The following RBM38 variants were observed in gnomAD, a reference collection of about 807,000 sequenced individuals.
RBM38 encodes RNA-binding protein 38.
A neutral mutation model predicts 23.5 loss-of-function variants in RBM38; 11 were observed. That is an observed-to-expected ratio of 0.47 (90% CI 0.29 to 0.77). The LOEUF (loss-of-function observed/expected upper bound fraction) is 0.77, where lower values mean the gene tolerates loss of function less well. RBM38 is among the 30% of genes least tolerant of loss of function. The pLI, the probability that RBM38 is intolerant of heterozygous loss-of-function variation, is 0.08. For missense variants in RBM38, 330 were observed against 351.9 expected, an observed-to-expected ratio of 0.94 and a Z score of 0.50; for synonymous variants, 165 against 166.1, an observed-to-expected ratio of 0.99 and a Z score of 0.05.
intron 3 of RBM38, among the ~76,000 whole-genome samples, chr20:57,406,711 G>A (rs2067388053): frequency 6.6e-6 from 1 of 152,166 alleles, no homozygotes; most frequent in African/African-American, 2.4e-5. Flanking sequence ...AACCCTGTGA[G>A]GGCTGGGCAC....
intron 3 of RBM38, among the ~76,000 whole-genome samples, chr20:57,395,834 G>T (rs1386038060): frequency 6.6e-6 from 1 of 152,210 alleles, no homozygotes; most frequent in Non-Finnish European, 1.5e-5. Flanking sequence ...TCAGGCCCCG[G>T]GAGCACAGCC....
chr20:57,399,953 G>T, intron 3 of RBM38: 1 of 456,354 alleles, frequency 2.2e-6, no homozygotes, highest in Non-Finnish European at 4.4e-6. Flanking sequence ...CAGAAAATGA[G>T]TCCTCCTGGG....
intron 2 of RBM38, 168 bp downstream of exon 2, chr20:57,392,945 C>T (rs2067236392): frequency 4.3e-6 from 4 of 925,768 alleles, no homozygotes; most frequent in Non-Finnish European, 6.4e-6. Context: ...GATCTAGACC[C>T]CTTCTCACAG....
intron 3 of RBM38, chr20:57,399,829 C>T (rs975683464): frequency 4.4e-6 from 2 of 454,800 alleles, no homozygotes; most frequent in Non-Finnish European, 8.8e-6. Flanking sequence ...GAGTCAGAAC[C>T]CTAAGAGCTG....
chr20:57,397,025 C>T (rs983290666), intron 3 of RBM38, among the ~76,000 whole-genome samples: 3 of 152,226 alleles, frequency 2.0e-5, no homozygotes, highest in Admixed American at 6.5e-5. Flanking sequence ...ACAGGCTCCT[C>T]GGACTCCGGA....
chr20:57,402,417 A>T (rs796449827), intron 3 of RBM38, among the ~76,000 whole-genome samples: 2 of 152,322 alleles, frequency 1.3e-5, no homozygotes, highest in East Asian at 3.9e-4. Context: ...GTGTGGGCAT[A>T]GGCTGCAGTG....
At chr20:57,392,364 C>A in intron 1 of RBM38, 1 of 1,449,844 alleles carries the variant, frequency 6.9e-7, no homozygotes, top group Non-Finnish European at 9.2e-7. Flanking sequence ...CCCCAAGCTC[C>A]CTTCGGGGTT....
chr20:57,399,070 G>C (rs951639143), intron 3 of RBM38, among the ~76,000 whole-genome samples: 2 of 152,190 alleles, frequency 1.3e-5, no homozygotes, highest in Admixed American at 1.3e-4. Context: ...TTTCTGCAGC[G>C]AGGTGCTGAG....
chr20:57,400,042 C>T, intron 3 of RBM38: 1 of 453,604 alleles, frequency 2.2e-6, no homozygotes, highest in South Asian at 1.6e-5. Context: ...GTACTTCTCT[C>T]TCCCGCCCAC....
chr20:57,403,489 A>C (rs1460635495), intron 3 of RBM38, among the ~76,000 whole-genome samples: 1 of 152,146 alleles, frequency 6.6e-6, no homozygotes, highest in African/African-American at 2.4e-5. Context: ...GGCCCCAGCC[A>C]GTCCTTGCAG....
rs763049390 is a variant in RBM38, at chr20:57,392,722, C to A, written c.306C>A (p.Arg102=). The A allele has an allele frequency of 1.8e-5, 29 of 1,612,882 alleles. No homozygotes were observed. In the Admixed American group the frequency reaches 1.8e-4, roughly 10 times the overall value. The change falls in exon 2 of 4, where the codon CGC becomes CGA. Residue 102 remains arginine, a synonymous_variant. Transcript: ENST00000356208. ...ACCCGAACCCCATCATCGACGGCCG[C>A]AAGGCCAACGTGAACCTGGCATATC... ...CKDPNPIIDG[R]KANVNLAYLG...
intron 1 of RBM38, among the ~76,000 whole-genome samples, 194 bp downstream of exon 1, chr20:57,392,012 GCCCCCACCCCCACCCCCA>G (rs539739783): frequency 3.4e-3 from 267 of 79,634 alleles, no homozygotes; most frequent in African/African-American, 0.013. Flanking sequence ...CCAGGCCCCG[GCCCCCACCCCCACCCCCA>G]CCCCCACCCC....
chr20:57,397,586 G>C (rs2067287310), intron 3 of RBM38, among the ~76,000 whole-genome samples: 1 of 152,206 alleles, frequency 6.6e-6, no homozygotes, highest in Non-Finnish European at 1.5e-5. Context: ...CTTGGTGTGT[G>C]CACACCACGG....
At chr20:57,392,857 C>A in intron 2 of RBM38, 80 bp downstream of exon 2, 3 of 1,541,572 alleles carry the variant, frequency 1.9e-6, no homozygotes, top group Non-Finnish European at 2.6e-6. Flanking sequence ...AAAGAGGCCC[C>A]CCCTCCTCGC....
chr20:57,391,614 C>A lies in RBM38; in HGVS notation c.33C>A (p.Ser11Arg). The change falls in exon 1 of 4, where the codon AGC becomes AGA. Residue 11 changes from serine to arginine, a missense_variant. Ser to Arg is a moderately radical substitution (Grantham distance 110). Coordinates refer to ENST00000356208, the MANE Select transcript of RBM38 (RefSeq NM_017495.6). Reference protein sequence around the residue: MLLQPAPCAPSAGFPRPLAAP... With the variant: MLLQPAPCAPRAGFPRPLAAP... ...TGCAGCCCGCGCCGTGCGCCCCGAG[C>A]GCGGGCTTCCCGCGGCCCCTGGCCG... The A allele has an allele frequency of 1.4e-6, 2 of 1,422,572 alleles. No individual in the cohort carries two copies. The highest frequency in any genetic ancestry group is 6.4e-5 in the East Asian group (2 of 31,196). The allele number at this position is 1,422,572 out of a possible 1,614,324, so 88.1% of individuals were successfully genotyped here.
Position 57,407,568 on chromosome 20 carries a change from C to T in RBM38, c.442C>T (p.Pro148Ser). The T allele has an allele frequency of 6.2e-7, 1 of 1,613,790 alleles. No individual in the cohort carries two copies. The highest frequency in any genetic ancestry group is 1.7e-5 in the Admixed American group (1 of 60,000). ...GCTGACCCCGCACTACATCTACCCA[C>T]CAGCCATCGTGCAGCCCAGCGTGGT... ...YGLTPHYIYP[P>S]AIVQPSVVIP... Residue 148 changes from proline to serine, a missense_variant, in exon 4 of 4, where the codon CCA becomes TCA. Around this residue, in one of 3 missense-constraint regions of RBM38, gnomAD observed 227 missense variants for 216.4 expected, o/e 1.05. Transcript: ENST00000356208. This position sits in a 1 kb window ranked among gnomAD's most constrained non-coding sequence, Gnocchi z 4.0.
intron 3 of RBM38, among the ~76,000 whole-genome samples, chr20:57,401,537 A>T (rs1456827564): frequency 6.6e-6 from 1 of 152,352 alleles, no homozygotes; most frequent in Middle Eastern, 3.4e-3. Flanking sequence ...GGCCTGCCTC[A>T]GATGCTCAGC....
intron 3 of RBM38, among the ~76,000 whole-genome samples, chr20:57,403,766 C>T (rs1286798843): frequency 2.0e-5 from 3 of 152,186 alleles, no homozygotes; most frequent in Non-Finnish European, 2.9e-5. Context: ...GGATTACAGG[C>T]TCCCGCCACC....
At chr20:57,401,022 CAGG>C (rs1295241779) in intron 3 of RBM38, among the ~76,000 whole-genome samples, 1 of 152,184 alleles carries the variant, frequency 6.6e-6, no homozygotes, top group Admixed American at 6.5e-5. Context: ...CCTGGCCAAA[CAGG>C]AGCAGCCCTG....
Sources: allele counts gnomAD v4.1 joint callset (sites outside exome capture counted in the v4.1 genomes callset), GRCh38; gene constraint gnomAD v4.1.1; regional missense constraint gnomAD v4.1.1; non-coding constraint Gnocchi (gnomAD v3.1); transcripts MANE v1.5; gene names NCBI Gene and HGNC (gene_info 2026-07-23, HGNC 2026-07-21).